Variants in EEF2 observed in about 807,000 individuals in gnomAD.
The protein encoded by EEF2 is eukaryotic translation elongation factor 2.
In EEF2, 21 loss-of-function variants were observed where a neutral mutation model predicts 85.3. The ratio of observed to expected loss-of-function variants is 0.25; its 90% confidence interval spans 0.17 to 0.35. The LOEUF is 0.35. Among genes scored for constraint, EEF2 ranks in the 10% least tolerant of loss-of-function variants. The pLI is 1.00. For missense variants in EEF2, 825 were observed against 1,225.3 expected, an observed-to-expected ratio of 0.67 and a Z score of 4.88; for synonymous variants, 723 against 508.8, an observed-to-expected ratio of 1.42 and a Z score of -5.67.
At chr19:3,979,642 T>C (rs959874970) in intron 10 of EEF2, among the ~76,000 whole-genome samples, 166 bp downstream of exon 10, 2 of 152,216 alleles carry the variant, frequency 1.3e-5, no homozygotes, top group African/African-American at 4.8e-5. Flanking sequence ...GAGAGGGTGG[T>C]GGCTGCCTGG....
In EEF2 at chr19:3,982,234, C is replaced by A; in HGVS notation, c.791+12G>T. The A allele has an allele frequency of 6.2e-7, 1 of 1,613,430 alleles. No homozygotes were observed. Among genetic ancestry groups the A allele is most frequent in the Non-Finnish European group, 8.5e-7 (1 of 1,179,504 alleles). ...GTGTCAGGAATCCCCCACCATATCC[C>A]GCGGGGCTCACCTGTCACCCCACAG... On this transcript the variant is annotated intron_variant, in intron 5 of 14. Coordinates refer to ENST00000309311, the MANE Select transcript of EEF2 (RefSeq NM_001961.4).
intron 1 of EEF2, 54 bp downstream of exon 1, chr19:3,985,324 C>G (rs1599200194): frequency 7.1e-7 from 1 of 1,416,952 alleles, no homozygotes; most frequent in African/African-American, 1.5e-5. Context: ...GCAGCGTAGG[C>G]CCCGCGGAGG....
chr19:3,983,171 CGAG>C lies in EEF2; in HGVS notation c.336_338del (p.Ser113del). 1.2e-6 allele frequency: 2 copies of C among 1,614,036 alleles called. No individual in the cohort carries two copies. The highest frequency in any genetic ancestry group is 1.7e-6 in the Non-Finnish European group (2 of 1,180,004). ...TGACTCGGAGGGCAGCAGTCACCTC[CGAG>C]GAGAAGTCGACATGCCCGGGGGAGT... On this transcript the variant is annotated inframe_deletion, in exon 3 of 15. Transcript: ENST00000309311.
At position 3,979,459 on chromosome 19, in the gene EEF2, C is replaced by G. The variant is rs182895355; in HGVS notation, c.1606-23G>C. On this transcript the variant is annotated intron_variant, in intron 10 of 14. Coordinates refer to ENST00000309311, the MANE Select transcript of EEF2 (RefSeq NM_001961.4). Reference sequence around the variant, plus strand: ...GCACTGAAAGGGATGCGGGTCAGCACCAAAGGGGTAGGCGGCTCGGAACAG... The same window carrying G: ...GCACTGAAAGGGATGCGGGTCAGCAGCAAAGGGGTAGGCGGCTCGGAACAG... The G allele has an allele frequency of 1.1e-5, 17 of 1,603,442 alleles. No individual in the cohort carries two copies. In the East Asian group the frequency reaches 3.8e-4, roughly 36 times the overall value.
intron 4 of EEF2, 37 bp downstream of exon 4, chr19:3,982,770 T>C (rs958228773): frequency 1.3e-6 from 2 of 1,584,784 alleles, no homozygotes; most frequent in Admixed American, 1.8e-5. Context: ...CAGATCCCGC[T>C]GCGGCAAGCC....
chr19:3,985,304 C>T, intron 1 of EEF2, 74 bp downstream of exon 1: 1 of 1,345,670 alleles, frequency 7.4e-7, no homozygotes, highest in Non-Finnish European at 9.7e-7. Context: ...GCCCCAGCGT[C>T]CCAGGCTAGG....
intron 14 of EEF2, 141 bp from the exon 15 acceptor site, chr19:3,976,888 G>T: frequency 9.3e-7 from 1 of 1,073,240 alleles, no homozygotes; most frequent in Non-Finnish European, 1.3e-6. Context: ...AGCACTTCAC[G>T]AAGGGCCTAG....
intron 8 of EEF2, 38 bp from the exon 9 acceptor site, chr19:3,980,747 G>A (rs2039735456): frequency 6.2e-7 from 1 of 1,605,260 alleles, no homozygotes; most frequent in Non-Finnish European, 8.5e-7. Flanking sequence ...TTATTCCAGT[G>A]CAGCTCAGCC....
chr19:3,982,659 C>G, intron 4 of EEF2, 148 bp downstream of exon 4: 1 of 1,116,802 alleles, frequency 9.0e-7, no homozygotes, highest in Non-Finnish European at 1.3e-6. Flanking sequence ...TGGGTCAAGT[C>G]GGATGAAAAC....
intron 9 of EEF2, 64 bp downstream of exon 9, chr19:3,980,450 A>C: frequency 6.5e-7 from 1 of 1,537,040 alleles, no homozygotes; most frequent in South Asian, 1.2e-5. Context: ...GAGGAGCCCA[A>C]GACTTGGAGC....
Position 3,981,986 on chromosome 19 carries a change from T to C in EEF2, c.858A>G (p.Pro286=). The part of the protein sequence containing the change: ...SATSPEGKKL[P]RTFCQLILDP... ...CCAGGATCAGCTGGCAGAAGGTGCG[T>C]GGCAGCTTCTTCCCTTCGGGGCTGG... Residue 286 remains proline (P), a synonymous_variant, in exon 6 of 15, where the codon CCA becomes CCG. Coordinates refer to ENST00000309311, the MANE Select transcript of EEF2 (RefSeq NM_001961.4). The C allele has an allele frequency of 6.2e-7, 1 of 1,614,130 alleles. No individual in the cohort carries two copies.
At chr19:3,978,262 G>A (rs374223472) in intron 11 of EEF2, 90 bp from the exon 12 acceptor site, 204 of 1,191,154 alleles carry the variant, frequency 1.7e-4, no homozygotes, top group Non-Finnish European at 2.2e-4. Flanking sequence ...CTAGCAAGGC[G>A]GACCTCATAC....
At chr19:3,976,925 T>C (rs1247003331) in intron 14 of EEF2, among the ~76,000 whole-genome samples, 178 bp from the exon 15 acceptor site, 4 of 152,216 alleles carry the variant, frequency 2.6e-5, no homozygotes, top group Admixed American at 2.6e-4. Context: ...CTCATGCCGC[T>C]GCTCGTTTGG....
At chr19:3,984,440 C>A in intron 1 of EEF2, 90 bp from the exon 2 acceptor site, 1 of 1,418,332 alleles carries the variant, frequency 7.1e-7, no homozygotes, top group Non-Finnish European at 9.8e-7. Flanking sequence ...CCAGCATGCC[C>A]AAGGCCAGGA....
rs750438579 is a variant in EEF2, at chr19:3,980,823, G to A, written c.1150+18C>T. On this transcript the variant is annotated intron_variant, in intron 8 of 14. Transcript: ENST00000309311. ...TCATCCGGCTGCATCTCAGGGCCCG[G>A]CCACCGGGACCACGTACCCATGGCA... 3 of 1,575,742 alleles carry A rather than the reference G, an allele frequency of 1.9e-6. No individual in the cohort carries two copies. Among genetic ancestry groups the A allele is most frequent in the South Asian group, 1.1e-5 (1 of 87,446 alleles).
At position 3,977,094 on chromosome 19, in the gene EEF2, G is replaced by T; in HGVS notation, c.2383+121C>A. The T allele has an allele frequency of 1.4e-6, 2 of 1,410,526 alleles. No homozygotes were observed. The highest frequency in any genetic ancestry group is 2.7e-5 in the South Asian group (2 of 73,984). The allele number at this position is 1,410,526 out of a possible 1,614,324, so 87.4% of individuals were successfully genotyped here. A position where few individuals can be genotyped will look rare whatever the true frequency, so the allele number is the denominator to read the frequency against. On this transcript the variant is annotated intron_variant, in intron 14 of 14. Transcript: ENST00000309311. This position sits in a 1 kb window ranked among gnomAD's most constrained non-coding sequence, Gnocchi z 5.4. ...CAAGCTGTCAGAAACTGGACCACCT[G>T]CTCCATCCATCACCTGCTCCCATCA... is the stretch of plus-strand genomic sequence containing the variant.
rs1182716090 is a variant in EEF2 at position 3,976,356 on chromosome 19, T to C, written c.*198A>G. On this transcript the variant is annotated 3_prime_UTR_variant, in exon 15 of 15. Coordinates refer to ENST00000309311, the MANE Select transcript of EEF2 (RefSeq NM_001961.4). ...CTACTAAGAGGGCGTGTCTGCTGCC[T>C]CCGGACTCTGGAAATAAATATTGAA... 7 of 408,218 alleles carry C rather than the reference T, an allele frequency of 1.7e-5. No individual in the cohort carries two copies. The Admixed American group carries it at 2.8e-4, about 17-fold the overall frequency. 25.3% of individuals were successfully genotyped at this position (408,218 alleles called of 1,614,324 possible).
intron 14 of EEF2, 104 bp from the exon 15 acceptor site, chr19:3,976,851 G>T: frequency 1.5e-6 from 2 of 1,297,534 alleles, no homozygotes; most frequent in Non-Finnish European, 2.1e-6. Context: ...GAGTCACCCT[G>T]CAGACCAGAC....
intron 1 of EEF2, 45 bp downstream of exon 1, chr19:3,985,333 G>C: frequency 6.9e-7 from 1 of 1,439,546 alleles, no homozygotes; most frequent in Non-Finnish European, 9.2e-7. Context: ...GCCCCGCGGA[G>C]GCCCCGCCGC....
Sources: allele counts gnomAD v4.1 joint callset (sites outside exome capture counted in the v4.1 genomes callset), GRCh38; gene constraint gnomAD v4.1.1; non-coding constraint Gnocchi (gnomAD v3.1); transcripts MANE v1.5; gene names NCBI Gene and HGNC (gene_info 2026-07-23, HGNC 2026-07-21).